Variants in KCTD13 observed in about 807,000 individuals in gnomAD.
KCTD13 encodes BTB/POZ domain-containing adapter for CUL3-mediated RhoA degradation protein 1.
In KCTD13, 15 loss-of-function variants were observed where a neutral mutation model predicts 32.3. That is an observed-to-expected ratio of 0.46 (90% CI 0.31 to 0.71). KCTD13 has a LOEUF of 0.71. Ranked by LOEUF, KCTD13 falls within the 30% of genes least tolerant of loss-of-function variation. The pLI, the probability that KCTD13 is intolerant of heterozygous loss-of-function variation, is 0.05. For missense variants in KCTD13, 337 were observed against 452.6 expected, an observed-to-expected ratio of 0.74 and a Z score of 2.32; for synonymous variants, 189 against 200.1, an observed-to-expected ratio of 0.94 and a Z score of 0.47.
At chr16:29,909,391 G>GT (rs1427518937) in intron 5 of KCTD13, among the ~76,000 whole-genome samples, 1 of 152,158 alleles carries the variant, frequency 6.6e-6, no homozygotes, top group Non-Finnish European at 1.5e-5. Flanking sequence ...GAGGTAAGAG[G>GT]TAAGAAATAG....
rs769126474 is a variant in KCTD13 at position 29,925,752 on chromosome 16, G to A, written c.244+38C>T. 2.2e-5 allele frequency: 34 copies of A among 1,562,526 alleles called. No homozygotes were observed. The African/African-American group carries it at 4.8e-4, about 22-fold the overall frequency. On this transcript the variant is annotated intron_variant, in intron 1 of 5. Transcript: ENST00000568000. The stretch of plus-strand genomic sequence containing the variant: ...GAGACTGCGGGGAACGGGAGTTGGG[G>A]GTCTGGGGTGGGGGCACGGTAGGGG...
chr16:29,911,112 G>T lies in KCTD13; in HGVS notation c.619C>A (p.His207Asn). 1.2e-6 allele frequency: 2 copies of T among 1,614,164 alleles called. No homozygotes were observed. Among genetic ancestry groups the T allele is most frequent in the Non-Finnish European group, 1.7e-6 (2 of 1,180,006 alleles). The change falls in exon 5 of 6, where the codon CAC becomes AAC. Residue 207 changes from histidine (H) to asparagine (N), a missense_variant. His to Asn is a moderately conservative substitution (Grantham distance 68). This residue lies in a region of KCTD13 where 252 missense variants were observed against 340.2 expected (regional missense o/e 0.74). Coordinates refer to ENST00000568000, the MANE Select transcript of KCTD13 (RefSeq NM_178863.5). ...TCCTTGAGGAAGAGTAGCCGCCCGT[G>T]GAAGCGCAGGGCCAGCTTGTCGAAC... is the stretch of plus-strand genomic sequence containing the variant. ...ELFDKLALRF[H>N]GRLLFLKDVL...
intron 5 of KCTD13, among the ~76,000 whole-genome samples, chr16:29,909,681 A>C (rs1313150313): frequency 6.7e-6 from 1 of 150,016 alleles, no homozygotes; most frequent in Admixed American, 6.7e-5. Flanking sequence ...GGCCTTTCTG[A>C]GTTTCCCTTT....
intron 4 of KCTD13, 26 bp downstream of exon 4, chr16:29,911,789 C>T (rs369090723): frequency 2.5e-6 from 4 of 1,611,558 alleles, no homozygotes; most frequent in African/African-American, 1.3e-5. Flanking sequence ...AGGGTCCCGC[C>T]CAGTGCCCCG....
intron 2 of KCTD13, among the ~76,000 whole-genome samples, chr16:29,912,980 T>C (rs535476493): frequency 6.6e-6 from 1 of 152,340 alleles, no homozygotes; most frequent in South Asian, 2.1e-4. Flanking sequence ...AGAATCTTCA[T>C]GCCAAAATCC....
intron 4 of KCTD13, chr16:29,911,562 A>G (rs2068709845): frequency 3.4e-6 from 2 of 591,520 alleles, no homozygotes; most frequent in Admixed American, 3.1e-5. Flanking sequence ...CAGTTCCTAG[A>G]ATGAGAGCAC....
chr16:29,918,291 A>G (rs544360064), intron 2 of KCTD13, among the ~76,000 whole-genome samples: 1 of 152,360 alleles, frequency 6.6e-6, no homozygotes, highest in East Asian at 1.9e-4. Context: ...TGTAACAATG[A>G]TAGAGAAATC....
At position 29,925,702 on chromosome 16, in the gene KCTD13, G is replaced by A. The variant is rs1248238666; in HGVS notation, c.244+88C>T. On this transcript the variant is annotated intron_variant, in intron 1 of 5. Transcript: ENST00000568000. ...ACTGGACAGTAGCGGGCAGAGAGAA[G>A]GGGCATGAGGAGCCCCGGTGGTGAG... is the stretch of plus-strand genomic sequence containing the variant. 3.0e-6 allele frequency: 4 copies of A among 1,343,998 alleles called. No individual in the cohort carries two copies. In the South Asian group the frequency reaches 4.9e-5, roughly 17 times the overall value. 83.3% of individuals were successfully genotyped at this position (1,343,998 alleles called of 1,614,324 possible).
At chr16:29,910,605 T>C (rs1188797041) in intron 5 of KCTD13, among the ~76,000 whole-genome samples, 2 of 152,112 alleles carry the variant, frequency 1.3e-5, no homozygotes, top group Non-Finnish European at 2.9e-5. Context: ...GTGATCCTCC[T>C]GCCTTGGCCT....
At position 29,923,271 on chromosome 16, in the gene KCTD13, C is replaced by T. The variant is rs753915198; in HGVS notation, c.333G>A (p.Thr111=). The T allele has an allele frequency of 2.5e-6, 4 of 1,614,076 alleles. No individual in the cohort carries two copies. The highest frequency in any genetic ancestry group is 1.3e-5 in the African/African-American group (1 of 74,922). The change falls in exon 2 of 6, where the codon ACG becomes ACA. Residue 111 remains threonine, a synonymous_variant. Coordinates refer to ENST00000568000, the MANE Select transcript of KCTD13 (RefSeq NM_178863.5). The part of the protein sequence containing the change: ...RDGSVPLPES[T]RELGELLGEA... ...CGCCCAGCAGCTCCCCCAGTTCTCT[C>T]GTACTCTCCGGCAGTGGCACAGACC...
chr16:29,916,674 G>A lies in KCTD13; in HGVS notation c.415-4625C>T, dbSNP rs371235691. ...AGGTCAGGAGTTCGAGACCAGCCTG[G>A]CCGACAGAGCAAGACTCTGTCTCTA... On this transcript the variant is annotated intron_variant, in intron 2 of 5. Coordinates refer to ENST00000568000, the MANE Select transcript of KCTD13 (RefSeq NM_178863.5). Among the ~76,000 whole-genome samples, 36 of 152,278 alleles carry A rather than the reference G, an allele frequency of 2.4e-4. No individual in the cohort carries two copies. The East Asian group carries it at 6.4e-3, about 27-fold the overall frequency.
chr16:29,923,506 C>A, intron 1 of KCTD13, 147 bp from the exon 2 acceptor site: 1 of 652,832 alleles, frequency 1.5e-6, no homozygotes. Context: ...ATCCTCCCAT[C>A]TCGGCCTCCC....
chr16:29,926,019 G>T lies in KCTD13; in HGVS notation c.15C>A (p.Ala5=). The change falls in exon 1 of 6, where the codon GCC becomes GCA. Residue 5 remains alanine, a synonymous_variant. Coordinates refer to ENST00000568000, the MANE Select transcript of KCTD13 (RefSeq NM_178863.5). ...GGGCCGCGGCGGCAGCCGGGCCCGA[G>T]GCCTCCGCCGACATGCCGGGTAGCA... MSAE[A]SGPAAAAAPS... is the part of the protein sequence containing the mutation. 1.9e-6 allele frequency: 3 copies of T among 1,538,784 alleles called. No homozygotes were observed. Among genetic ancestry groups the T allele is most frequent in the Non-Finnish European group, 2.6e-6 (3 of 1,149,344 alleles).
chr16:29,914,778 G>A (rs944718012), intron 2 of KCTD13: 11 of 152,224 alleles, frequency 7.2e-5, no homozygotes, highest in African/African-American at 2.2e-4. Flanking sequence ...AAAGAGACAG[G>A]TCATCTCCAC....
chr16:29,923,385 G>A, intron 1 of KCTD13, 26 bp from the exon 2 acceptor site: 1 of 1,605,666 alleles, frequency 6.2e-7, no homozygotes. Context: ...GAGGCAGGGG[G>A]AAAGATGGCT....
At chr16:29,918,985 G>A (rs771164976) in intron 2 of KCTD13, among the ~76,000 whole-genome samples, 2 of 151,918 alleles carry the variant, frequency 1.3e-5, no homozygotes, top group Admixed American at 1.3e-4. Context: ...ATAGAGATGG[G>A]GTTTCACCAT....
rs186992635 is a variant in KCTD13 at position 29,908,675 on chromosome 16, T to C, written c.754-1567A>G. On this transcript the variant is annotated intron_variant, in intron 5 of 5. Transcript: ENST00000568000. ...CTGGGATTACAGGTGTGAGCCACCA[T>C]GCCCGGCCTTTTTTTTTTTTTTTTA... Among the ~76,000 whole-genome samples, 519 of 149,366 alleles carry C rather than the reference T, an allele frequency of 3.5e-3. 3 individuals are homozygous for C. Among genetic ancestry groups the C allele is most frequent in the African/African-American group, 0.011 (456 of 40,428 alleles).
chr16:29,906,817 A>T lies in KCTD13; in HGVS notation c.*55T>A. 1 of 1,499,176 alleles carries T rather than the reference A, an allele frequency of 6.7e-7. No homozygotes were observed. Among genetic ancestry groups the T allele is most frequent in the Non-Finnish European group, 9.2e-7 (1 of 1,083,608 alleles). 92.9% of individuals were successfully genotyped at this position (1,499,176 alleles called of 1,614,324 possible). A position where few individuals can be genotyped will look rare whatever the true frequency, so the allele number is the denominator to read the frequency against. ...GGGCAAAAGTCTGGGAAGGGGAGGG[A>T]AAGAGAGAGGGACTGGGTCCCAAGG... On this transcript the variant is annotated 3_prime_UTR_variant, in exon 6 of 6. Coordinates refer to ENST00000568000, the MANE Select transcript of KCTD13 (RefSeq NM_178863.5).
In KCTD13 at chr16:29,906,646, T is replaced by C. The variant is rs2068618467; in HGVS notation, c.*226A>G. The C allele has an allele frequency of 1.5e-6, 1 of 674,862 alleles. No individual in the cohort carries two copies. The highest frequency in any genetic ancestry group is 1.5e-5 in the South Asian group (1 of 66,374). The allele number at this position is 674,862 out of a possible 1,614,324, so 41.8% of individuals were successfully genotyped here. On this transcript the variant is annotated 3_prime_UTR_variant, in exon 6 of 6. Coordinates refer to ENST00000568000, the MANE Select transcript of KCTD13 (RefSeq NM_178863.5). Reference sequence around the variant, plus strand: ...GACGCAGGGCCAGGGTGGGGACAAGTGTTGGCTTCGGAAGGCTCTGAGTGG... The same window carrying C: ...GACGCAGGGCCAGGGTGGGGACAAGCGTTGGCTTCGGAAGGCTCTGAGTGG...
Sources: allele counts gnomAD v4.1 joint callset (sites outside exome capture counted in the v4.1 genomes callset), GRCh38; gene constraint gnomAD v4.1.1; regional missense constraint gnomAD v4.1.1; transcripts MANE v1.5; gene names NCBI Gene and HGNC (gene_info 2026-07-23, HGNC 2026-07-21).